The following NXPH2 variants were observed in gnomAD, a reference collection of about 807,000 sequenced individuals.
NXPH2 encodes the protein neurexophilin-2.
A neutral mutation model predicts 19.8 loss-of-function variants in NXPH2; 5 were observed. That is an observed-to-expected ratio of 0.25 (90% confidence interval 0.13 to 0.53). The LOEUF (loss-of-function observed/expected upper bound fraction) is 0.53, where lower values mean the gene tolerates loss of function less well. Ranked by LOEUF, NXPH2 falls within the 20% of genes least tolerant of loss-of-function variation. The probability of loss-of-function intolerance (pLI) is 0.96; values close to 1 mark genes in which losing one functional copy is unlikely to be tolerated. For missense variants in NXPH2, 289 were observed against 322.8 expected (o/e 0.90, Z 0.80); for synonymous variants, 154 against 127.4 (o/e 1.21, Z -1.41).
At chr2:138,742,919 G>A (rs1184061767) in intron 1 of NXPH2, among the ~76,000 whole-genome samples, 2 of 152,064 alleles carry the variant, frequency 1.3e-5, no homozygotes, top group South Asian at 4.2e-4. Context: ...AATATTGATT[G>A]GTCTCGGATA....
At chr2:138,777,930 G>A (rs2104847528) in intron 1 of NXPH2, among the ~76,000 whole-genome samples, 1 of 145,782 alleles carries the variant, frequency 6.9e-6, no homozygotes, top group East Asian at 2.1e-4. Flanking sequence ...TTCATATCTA[G>A]AAAATATTTT....
intron 1 of NXPH2, among the ~76,000 whole-genome samples, chr2:138,757,975 T>C (rs1681942964): frequency 6.6e-6 from 1 of 152,098 alleles, no homozygotes. Context: ...AAAAGCATTG[T>C]TAAGATGTGG....
At chr2:138,674,338 G>T (rs1428099790) in intron 1 of NXPH2, among the ~76,000 whole-genome samples, 3 of 151,994 alleles carry the variant, frequency 2.0e-5, no homozygotes, top group East Asian at 3.9e-4. Context: ...GTTTTTAGTG[G>T]AGACAGGGTC....
At chr2:138,766,913 AT>A (rs1225806618) in intron 1 of NXPH2, among the ~76,000 whole-genome samples, 1 of 152,094 alleles carries the variant, frequency 6.6e-6, no homozygotes, top group Non-Finnish European at 1.5e-5. Flanking sequence ...ATTTTTGTTG[AT>A]TGTGTCATTT....
chr2:138,753,640 C>T (rs1265283038), intron 1 of NXPH2, among the ~76,000 whole-genome samples: 2 of 152,026 alleles, frequency 1.3e-5, no homozygotes, highest in Non-Finnish European at 2.9e-5. Context: ...CCATGTGTAT[C>T]TGCATTAAAC....
intron 1 of NXPH2, among the ~76,000 whole-genome samples, chr2:138,736,197 T>G (rs1681536102): frequency 6.6e-6 from 1 of 152,232 alleles, no homozygotes; most frequent in Non-Finnish European, 1.5e-5. Flanking sequence ...GTTGGGACTC[T>G]GTGTGGGGGC....
chr2:138,684,491 TA>T (rs1176165208), intron 1 of NXPH2, among the ~76,000 whole-genome samples: 2 of 152,208 alleles, frequency 1.3e-5, no homozygotes, highest in Non-Finnish European at 2.9e-5. Context: ...ATCTGTAATA[TA>T]AATGATCCAT....
chr2:138,738,423 T>C (rs1298717597), intron 1 of NXPH2, among the ~76,000 whole-genome samples: 1 of 152,180 alleles, frequency 6.6e-6, no homozygotes, highest in Non-Finnish European at 1.5e-5. Flanking sequence ...AAAATTTTCA[T>C]CTCCCCTTAT....
Position 138,730,054 on chromosome 2 carries a change from C to T in NXPH2, c.51+50137G>A, listed in dbSNP as rs943360923. On this transcript the variant is annotated intron_variant, in intron 1 of 1. Transcript: ENST00000272641. ...GGCTTGCAGATGGCCATCTTTTTGC[C>T]GTGTCCTCATTATGGTCATCCCTTG... is the stretch of plus-strand genomic sequence containing the variant. Among the ~76,000 whole-genome samples the T allele has an allele frequency of 5.9e-5, 9 of 152,070 alleles. No homozygotes were observed. In the East Asian group the frequency reaches 1.3e-3, roughly 23 times the overall value.
chr2:138,677,417 C>G (rs1161298465), intron 1 of NXPH2, among the ~76,000 whole-genome samples: 1 of 152,144 alleles, frequency 6.6e-6, no homozygotes, highest in African/African-American at 2.4e-5. Context: ...AAAGCACACA[C>G]ATTAGCTAGA....
At chr2:138,691,557 C>T (rs1216835486) in intron 1 of NXPH2, among the ~76,000 whole-genome samples, 1 of 152,154 alleles carries the variant, frequency 6.6e-6, no homozygotes, top group Non-Finnish European at 1.5e-5. Context: ...CTCCCTTTGC[C>T]TAATTAGCCC....
chr2:138,673,538 A>G (rs1178803932), intron 1 of NXPH2, among the ~76,000 whole-genome samples: 1 of 152,160 alleles, frequency 6.6e-6, no homozygotes, highest in Non-Finnish European at 1.5e-5. Context: ...CTCCCTTCAA[A>G]CTACTTTAAA....
At chr2:138,747,454 C>T (rs1204755380) in intron 1 of NXPH2, among the ~76,000 whole-genome samples, 2 of 152,154 alleles carry the variant, frequency 1.3e-5, no homozygotes, top group Non-Finnish European at 2.9e-5. Context: ...ATCCCAAAGG[C>T]TGTGAAGGGG....
At chr2:138,698,121 A>G (rs943091149) in intron 1 of NXPH2, among the ~76,000 whole-genome samples, 6 of 152,176 alleles carry the variant, frequency 3.9e-5, no homozygotes, top group Non-Finnish European at 7.4e-5. Flanking sequence ...GATGTTCACT[A>G]CAATGTTATT....
chr2:138,711,882 T>C (rs997097195), intron 1 of NXPH2, among the ~76,000 whole-genome samples: 1 of 152,206 alleles, frequency 6.6e-6, no homozygotes, highest in African/African-American at 2.4e-5. Context: ...AGAAGTAAAA[T>C]GAACATCCTC....
chr2:138,752,905 A>C (rs1681848341), intron 1 of NXPH2, among the ~76,000 whole-genome samples: 1 of 152,184 alleles, frequency 6.6e-6, no homozygotes, highest in African/African-American at 2.4e-5. Context: ...CATAGACAAC[A>C]TGCTGTTTTT....
chr2:138,694,520 T>G (rs1379925225), intron 1 of NXPH2, among the ~76,000 whole-genome samples: 1 of 151,914 alleles, frequency 6.6e-6, no homozygotes, highest in Admixed American at 6.6e-5. Flanking sequence ...CCAAGGAACA[T>G]TTGGGGCTAC....
At chr2:138,780,069 C>T in intron 1 of NXPH2, 122 bp downstream of exon 1, 1 of 975,842 alleles carries the variant, frequency 1.0e-6, no homozygotes. Context: ...CCTTGCCCTC[C>T]GCGCGCCCCC....
intron 1 of NXPH2, among the ~76,000 whole-genome samples, chr2:138,680,201 A>G (rs957584018): frequency 6.6e-6 from 1 of 152,222 alleles, no homozygotes; most frequent in African/African-American, 2.4e-5. Flanking sequence ...TGTGCAAGCC[A>G]CATTCCCTCT....
Sources: allele counts gnomAD v4.1 joint callset (sites outside exome capture counted in the v4.1 genomes callset), GRCh38; gene constraint gnomAD v4.1.1; transcripts MANE v1.5; gene names NCBI Gene and HGNC (gene_info 2026-07-23, HGNC 2026-07-21).